Variants in SCARB1 observed in about 807,000 individuals in gnomAD.
SCARB1 encodes the protein scavenger receptor class B member 1.
In SCARB1, 30 loss-of-function variants were observed where a neutral mutation model predicts 57.2. The observed-to-expected ratio is 0.52, with a 90% CI of 0.39 to 0.71. SCARB1 has a LOEUF of 0.71. Among genes scored for constraint, SCARB1 ranks in the 30% least tolerant of loss-of-function variants. SCARB1 has a pLI of 0.00. For synonymous variants in SCARB1, 249 were observed against 268.3 expected (o/e 0.93, Z 0.70); for missense variants, 543 against 671.2 (o/e 0.81, Z 2.11).
chr12:124,809,356 A>G (rs1015503659), intron 6 of SCARB1, among the ~76,000 whole-genome samples: 32 of 152,230 alleles, frequency 2.1e-4, no homozygotes, highest in African/African-American at 7.7e-4. Flanking sequence ...AGGCTGAAGC[A>G]GGAAGATCCC....
rs1949945406 is a variant in SCARB1 at position 124,796,402 on chromosome 12, A to G, written c.1129-1134T>C. ...ACTATACCCAGCTCTTTTTAACGAG[A>G]CTTTTTTTTTTAAGTAAATAACCGA... On this transcript the variant is annotated intron_variant, in intron 8 of 12. Coordinates refer to ENST00000261693, the MANE Select transcript of SCARB1 (RefSeq NM_005505.5). The surrounding 1 kb of genome is among the most constrained non-coding windows in gnomAD (Gnocchi z 4.0). 6.6e-6 allele frequency among the ~76,000 whole-genome samples: 1 copy of G among 151,352 alleles called. No individual in the cohort carries two copies. The highest frequency in any genetic ancestry group is 1.9e-4 in the East Asian group (1 of 5,170).
chr12:124,861,245 C>T (rs1381839756), intron 1 of SCARB1, among the ~76,000 whole-genome samples: 4 of 152,164 alleles, frequency 2.6e-5, no homozygotes, highest in Non-Finnish European at 5.9e-5. Flanking sequence ...TGCGCATCCT[C>T]CCGTATTCTT....
In SCARB1 at chr12:124,829,016, G is replaced by C. The variant is rs190406225; in HGVS notation, c.127-11309C>G. On this transcript the variant is annotated intron_variant, in intron 1 of 12. Coordinates refer to ENST00000261693, the MANE Select transcript of SCARB1 (RefSeq NM_005505.5). The stretch of plus-strand genomic sequence containing the variant: ...GGCCTTAAGATGCAGGAACAACTAC[G>C]ACACAGGCTAATCCAATCTGGGACT... 2.6e-4 allele frequency among the ~76,000 whole-genome samples: 39 copies of C among 152,302 alleles called. No individual in the cohort carries two copies. The East Asian group carries it at 7.3e-3, about 29-fold the overall frequency.
chr12:124,835,011 G>C (rs779858601), intron 1 of SCARB1, among the ~76,000 whole-genome samples: 9 of 152,186 alleles, frequency 5.9e-5, no homozygotes, highest in Non-Finnish European at 1.0e-4. Flanking sequence ...TGCCGACTCA[G>C]ACACTCAGGG....
chr12:124,851,068 A>AT (rs1201576490), intron 1 of SCARB1, among the ~76,000 whole-genome samples: 1 of 152,190 alleles, frequency 6.6e-6, no homozygotes, highest in Non-Finnish European at 1.5e-5. Context: ...TGCACATGTG[A>AT]TCCCAGCTCA....
intron 1 of SCARB1, among the ~76,000 whole-genome samples, chr12:124,835,693 T>C (rs577895513): frequency 2.4e-4 from 36 of 152,312 alleles, no homozygotes; most frequent in African/African-American, 7.9e-4. Context: ...TGCCACAAAC[T>C]GGGCCCATGG....
Position 124,810,240 on chromosome 12 carries a change from C to T in SCARB1, c.776G>A (p.Gly259Glu). 6.2e-7 allele frequency: 1 copy of T among 1,614,146 alleles called. No individual in the cohort carries two copies. The highest frequency in any genetic ancestry group is 8.5e-7 in the Non-Finnish European group (1 of 1,180,006). ...AGTCATGAAGGGCGGCCACATTTGC[C>T]CAGAAGTTCCATTGATCATGTTGCA... The part of the protein sequence containing the change: ...DQCNMINGTS[G>E]QMWPPFMTPE... Residue 259 changes from glycine (G) to glutamate (E), a missense_variant, in exon 6 of 13, where the codon GGG becomes GAG. Gly to Glu is a moderately conservative substitution (Grantham distance 98, BLOSUM62 -2). Transcript: ENST00000261693. The surrounding 1 kb of genome is among the most constrained non-coding windows in gnomAD (Gnocchi z 4.0).
chr12:124,786,173 CA>C, intron 11 of SCARB1, 183 bp downstream of exon 11: 1 of 1,572,462 alleles, frequency 6.4e-7, no homozygotes, highest in South Asian at 1.1e-5. Flanking sequence ...ACGCGGCATG[CA>C]AAAGACGCAA....
Position 124,863,741 on chromosome 12 carries a change from C to A in SCARB1, c.-21G>T. The A allele has an allele frequency of 1.4e-6, 2 of 1,442,786 alleles. No homozygotes were observed. The highest frequency in any genetic ancestry group is 1.8e-6 in the Non-Finnish European group (2 of 1,096,912). 89.4% of individuals were successfully genotyped at this position (1,442,786 alleles called of 1,614,324 possible). Reference sequence around the variant, plus strand: ...CCCATGTCTGCGCGCCTGGGGCCCACCCGCGGCTCGCAGGGCTCCGCGCCT... The same window carrying A: ...CCCATGTCTGCGCGCCTGGGGCCCAACCGCGGCTCGCAGGGCTCCGCGCCT... On this transcript the variant is annotated 5_prime_UTR_variant, in exon 1 of 13. Transcript: ENST00000261693.
rs1872733024 is a variant in SCARB1, at chr12:124,778,509, G to A, written c.*78C>T. 10 of 1,360,184 alleles carry A rather than the reference G, an allele frequency of 7.4e-6. No individual in the cohort carries two copies. Among genetic ancestry groups the A allele is most frequent in the Non-Finnish European group, 8.5e-6 (9 of 1,054,882 alleles). 84.3% of individuals were successfully genotyped at this position (1,360,184 alleles called of 1,614,324 possible). A position where few individuals can be genotyped will look rare whatever the true frequency, so the allele number is the denominator to read the frequency against. On this transcript the variant is annotated 3_prime_UTR_variant, in exon 13 of 13. Transcript: ENST00000261693. ...GGGGCTGTCCGCTGGGAGAGTCCGGGAGAAGCGGGGTGTAGGGGCTGGGGG... is the reference window on the plus strand; with the variant it reads ...GGGGCTGTCCGCTGGGAGAGTCCGGAAGAAGCGGGGTGTAGGGGCTGGGGG...
intron 1 of SCARB1, chr12:124,839,096 T>A (rs1951808407): frequency 5.2e-6 from 2 of 386,758 alleles, no homozygotes; most frequent in Admixed American, 5.9e-5. Flanking sequence ...TTTTTAAGTG[T>A]ACAGTTCAGT....
At position 124,814,104 on chromosome 12, in the gene SCARB1, G is replaced by A. The variant is rs1950609964; in HGVS notation, c.630+98C>T. On this transcript the variant is annotated intron_variant, in intron 4 of 12. Transcript: ENST00000261693. The surrounding 1 kb of genome is among the most constrained non-coding windows in gnomAD (Gnocchi z 4.7). ...ACAACCCACAGCCACTAGATCCCCA[G>A]CCAGCTACAAAGCAAGCTGGTGACC... 2.6e-6 allele frequency: 3 copies of A among 1,151,268 alleles called. No homozygotes were observed. Among genetic ancestry groups the A allele is most frequent in the South Asian group, 1.2e-5 (1 of 81,150 alleles). The allele number at this position is 1,151,268 out of a possible 1,614,324, so 71.3% of individuals were successfully genotyped here. A position where few individuals can be genotyped will look rare whatever the true frequency, so the allele number is the denominator to read the frequency against.
intron 6 of SCARB1, among the ~76,000 whole-genome samples, 181 bp downstream of exon 6, chr12:124,809,993 G>A (rs995346248): frequency 6.6e-6 from 1 of 152,174 alleles, no homozygotes; most frequent in Non-Finnish European, 1.5e-5. Flanking sequence ...GCTGTGTAGA[G>A]GCATTGGCAG....
In SCARB1 at chr12:124,812,559, C is replaced by T. The variant is rs1950567036; in HGVS notation, c.631-594G>A. ...GGGGCTGCTTGTCACAGCAGCAAAA[C>T]CTGGCCTGTCCTAACCCATCGAGGT... On this transcript the variant is annotated intron_variant, in intron 4 of 12. Transcript: ENST00000261693. This position sits in a 1 kb window ranked among gnomAD's most constrained non-coding sequence, Gnocchi z 4.3. Among the ~76,000 whole-genome samples the T allele has an allele frequency of 1.3e-5, 2 of 152,246 alleles. No homozygotes were observed. The highest frequency in any genetic ancestry group is 6.5e-5 in the Admixed American group (1 of 15,282).
At position 124,800,013 on chromosome 12, in the gene SCARB1, G is replaced by A; in HGVS notation, c.1128+111C>T. 2.4e-6 allele frequency: 2 copies of A among 835,130 alleles called. No homozygotes were observed. The highest frequency in any genetic ancestry group is 3.6e-5 in the Admixed American group (2 of 55,628). The allele number at this position is 835,130 out of a possible 1,614,324, so 51.7% of individuals were successfully genotyped here. A position where few individuals can be genotyped will look rare whatever the true frequency, so the allele number is the denominator to read the frequency against. On this transcript the variant is annotated intron_variant, in intron 8 of 12. Transcript: ENST00000261693. This position sits in a 1 kb window ranked among gnomAD's most constrained non-coding sequence, Gnocchi z 4.8. ...GGTGGCTCGAGATTCTAGAAGCCAG[G>A]CTTCCCACCACCCCAGCCCACAGCA...
chr12:124,807,732 G>A lies in SCARB1; in HGVS notation c.1009+29C>T, dbSNP rs771884003. ...GCTGGCCCCACCCTCACACCCTCCC[G>A]CCATCCCAGCACAGGGGACGGCACG... On this transcript the variant is annotated intron_variant, in intron 7 of 12. Coordinates refer to ENST00000261693, the MANE Select transcript of SCARB1 (RefSeq NM_005505.5). This position sits in a 1 kb window ranked among gnomAD's most constrained non-coding sequence, Gnocchi z 5.3. 1.4e-5 allele frequency: 23 copies of A among 1,612,534 alleles called. No individual in the cohort carries two copies. Among genetic ancestry groups the A allele is most frequent in the Middle Eastern group, 1.7e-4 (1 of 5,942 alleles).
At chr12:124,825,856 A>G (rs1348183202) in intron 1 of SCARB1, among the ~76,000 whole-genome samples, 1 of 152,188 alleles carries the variant, frequency 6.6e-6, no homozygotes, top group Non-Finnish European at 1.5e-5. Flanking sequence ...GAATCTGAAG[A>G]CATTGAATAC....
intron 1 of SCARB1, among the ~76,000 whole-genome samples, chr12:124,858,665 G>A (rs984408210): frequency 6.6e-6 from 1 of 151,988 alleles, no homozygotes; most frequent in African/African-American, 2.4e-5. Flanking sequence ...GGATCACGAG[G>A]TCAGGAGATT....
At chr12:124,795,827 AG>A (rs1291877462) in intron 8 of SCARB1, among the ~76,000 whole-genome samples, 24 of 152,352 alleles carry the variant, frequency 1.6e-4, no homozygotes, top group Admixed American at 1.6e-3. Flanking sequence ...AGCTGGCCCC[AG>A]GTTCACTCCT....
Sources: gnomAD v4.1 joint callset for allele counts (sites outside exome capture counted in the v4.1 genomes callset) on GRCh38, gnomAD v4.1.1 for gene constraint, Gnocchi (gnomAD v3.1) non-coding constraint, MANE v1.5 for transcripts, NCBI Gene and HGNC (gene_info 2026-07-23, HGNC 2026-07-21) for gene names.